Variants in HAUS6 observed in about 807,000 individuals in gnomAD.
HAUS6 encodes HAUS augmin-like complex subunit 6.
In HAUS6, 80 loss-of-function variants were observed where a neutral mutation model predicts 106.8. The ratio of observed to expected loss-of-function variants is 0.75; its 90% CI spans 0.63 to 0.90. The LOEUF (loss-of-function observed/expected upper bound fraction) is 0.90, where lower values mean the gene tolerates loss of function less well. HAUS6 is among the 40% of genes least tolerant of loss of function. The probability of loss-of-function intolerance (pLI) is 0.00; values close to 1 mark genes in which losing one functional copy is unlikely to be tolerated. For missense variants in HAUS6, 1,155 were observed against 1,118.1 expected, an observed-to-expected ratio of 1.03 and a Z score of -0.47; for synonymous variants, 356 against 379.1, an observed-to-expected ratio of 0.94 and a Z score of 0.71.
chr9:19,102,288 A>G (rs1818005099), intron 1 of HAUS6, among the ~76,000 whole-genome samples: 1 of 152,058 alleles, frequency 6.6e-6, no homozygotes, highest in Non-Finnish European at 1.5e-5. Flanking sequence ...CACTCTCCCC[A>G]TCTGCAGACT....
intron 7 of HAUS6, 116 bp downstream of exon 7, chr9:19,086,618 T>A (rs1359904064): frequency 1.0e-4 from 47 of 468,788 alleles, no homozygotes; most frequent in Non-Finnish European, 1.4e-4. Flanking sequence ...AGACTCCAAC[T>A]CCAAAAAAAA....
In HAUS6 at chr9:19,102,709, G is replaced by A. The variant is rs1337150071; in HGVS notation, c.-58C>T. 5 of 1,562,742 alleles carry A rather than the reference G, an allele frequency of 3.2e-6. No homozygotes were observed. In the African/African-American group the frequency reaches 4.1e-5, roughly 13 times the overall value. The stretch of plus-strand genomic sequence containing the variant: ...AAAGCGCAAGCCCAGGGGACTCGGA[G>A]GGCCCTCAAGATCCCTCCCTACGGT... On this transcript the variant is annotated 5_prime_UTR_variant, in exon 1 of 17. Coordinates refer to ENST00000380502, the MANE Select transcript of HAUS6 (RefSeq NM_017645.5).
chr9:19,058,782 C>T lies in HAUS6; in HGVS notation c.1985G>A (p.Cys662Tyr). 6.2e-7 allele frequency: 1 copy of T among 1,614,148 alleles called. No homozygotes were observed. Among genetic ancestry groups the T allele is most frequent in the Middle Eastern group, 1.6e-4 (1 of 6,062 alleles). ...CACATGTTTCTGAGGCACACACTCGCAATCTGAAATAACTTTCTCTTCAGT... is the reference window on the plus strand; with the variant it reads ...CACATGTTTCTGAGGCACACACTCGTAATCTGAAATAACTTTCTCTTCAGT... ...HLTEEKVISD[C>Y]ECVPQKHVLT... Residue 662 changes from cysteine (C) to tyrosine (Y), a missense_variant, in exon 16 of 17, where the codon TGC becomes TAC. Cys to Tyr is a radical substitution (Grantham distance 194). Transcript: ENST00000380502.
At chr9:19,064,258 C>T (rs1836711554) in intron 12 of HAUS6, among the ~76,000 whole-genome samples, 2 of 152,146 alleles carry the variant, frequency 1.3e-5, no homozygotes, top group Admixed American at 1.3e-4. Flanking sequence ...TGAGCCACCA[C>T]ACCTGGCCCA....
rs371706932 is a variant in HAUS6 at position 19,082,886 on chromosome 9, T to G, written c.857A>C (p.Lys286Thr). ...TCAAATGCTTACCTGAAACATTTGT[T>G]TCTCAATTTTGTCAAGTAAGAGCCT... ...IPRLLLDKIE[K>T]QMFQLHIGNV... The change falls in exon 8 of 17, where the codon AAA becomes ACA. Residue 286 changes from lysine to threonine, a missense_variant. Physicochemically the swap from Lys to Thr is moderately conservative, Grantham distance 78. This residue lies in a region of HAUS6 where 761 missense variants were observed against 690.0 expected (regional missense o/e 1.10). Transcript: ENST00000380502. 2.7e-6 allele frequency: 4 copies of G among 1,472,678 alleles called. No individual in the cohort carries two copies. Among genetic ancestry groups the G allele is most frequent in the Non-Finnish European group, 3.6e-6 (4 of 1,107,800 alleles). The allele number at this position is 1,472,678 out of a possible 1,614,324, so 91.2% of individuals were successfully genotyped here.
intron 1 of HAUS6, among the ~76,000 whole-genome samples, chr9:19,098,814 G>T (rs1032069749): frequency 6.6e-6 from 1 of 152,034 alleles, no homozygotes; most frequent in African/African-American, 2.4e-5. Context: ...CCTGAGGTCG[G>T]GAGTTCGAGA....
At chr9:19,068,229 C>T (rs948274454) in intron 12 of HAUS6, among the ~76,000 whole-genome samples, 2 of 152,078 alleles carry the variant, frequency 1.3e-5, no homozygotes, top group African/African-American at 4.8e-5. Context: ...AATGGGTAGG[C>T]CAGTAACTTT....
intron 4 of HAUS6, among the ~76,000 whole-genome samples, chr9:19,090,409 G>C (rs948806910): frequency 3.3e-5 from 5 of 152,084 alleles, no homozygotes; most frequent in African/African-American, 4.8e-5. Flanking sequence ...CAGTCACCCA[G>C]GCTGAAATGC....
In HAUS6 at chr9:19,087,998, A is replaced by G. The variant is rs1055694611; in HGVS notation, c.585-842T>C. Among the ~76,000 whole-genome samples the G allele has an allele frequency of 2.0e-5, 3 of 152,328 alleles. No homozygotes were observed. In the South Asian group the frequency reaches 6.2e-4, roughly 32 times the overall value. On this transcript the variant is annotated intron_variant, in intron 5 of 16. Transcript: ENST00000380502. ...ATAGAAGAAACTCCAAGAAAAAAAG[A>G]TATGCTGCATAGATGAACCTAAACA...
intron 11 of HAUS6, among the ~76,000 whole-genome samples, chr9:19,072,704 A>C (rs971254724): frequency 6.6e-6 from 1 of 152,164 alleles, no homozygotes; most frequent in African/African-American, 2.4e-5. Context: ...AAGAACGAGA[A>C]TTTTACTATT....
chr9:19,083,094 T>G (rs1311899664), intron 7 of HAUS6, 51 bp from the exon 8 acceptor site: 1 of 1,107,710 alleles, frequency 9.0e-7, no homozygotes, highest in Non-Finnish European at 1.3e-6. Flanking sequence ...CTGTACATAT[T>G]TTAAAAATGT....
intron 1 of HAUS6, among the ~76,000 whole-genome samples, chr9:19,100,501 A>G (rs1037925522): frequency 2.6e-5 from 4 of 152,378 alleles, no homozygotes; most frequent in Non-Finnish European, 4.4e-5. Flanking sequence ...AAAGTAGTAC[A>G]GCCATTATGG....
chr9:19,086,824 A>G (rs1201716150), intron 6 of HAUS6, 42 bp from the exon 7 acceptor site: 5 of 832,788 alleles, frequency 6.0e-6, no homozygotes, highest in Non-Finnish European at 9.9e-6. Flanking sequence ...ATTAAAAATC[A>G]CATGGTAATT....
At chr9:19,062,477 T>C (rs1014501616) in intron 14 of HAUS6, among the ~76,000 whole-genome samples, 3 of 152,240 alleles carry the variant, frequency 2.0e-5, no homozygotes, top group South Asian at 4.1e-4. Context: ...AAGTGGGTTC[T>C]AAACCACAGA....
intron 4 of HAUS6, among the ~76,000 whole-genome samples, chr9:19,091,905 G>A (rs1817758256): frequency 1.3e-5 from 2 of 151,982 alleles, no homozygotes; most frequent in Admixed American, 6.6e-5. Flanking sequence ...CAAGTGATCT[G>A]CCTACCTCAG....
At position 19,098,535 on chromosome 9, in the gene HAUS6, G is replaced by C. The variant is rs973562306; in HGVS notation, c.129-1766C>G. On this transcript the variant is annotated intron_variant, in intron 1 of 16. Transcript: ENST00000380502. ...ATACAGTGGTCAATAAATATTTGTTGAATGAACAAATAAATGAATCACCTC... is the reference window on the plus strand; with the variant it reads ...ATACAGTGGTCAATAAATATTTGTTCAATGAACAAATAAATGAATCACCTC... 2.6e-5 allele frequency among the ~76,000 whole-genome samples: 4 copies of C among 151,312 alleles called. No homozygotes were observed. The South Asian group carries it at 6.3e-4, about 24-fold the overall frequency.
At chr9:19,093,394 G>C (rs1817796760) in intron 3 of HAUS6, 91 bp from the exon 4 acceptor site, 2 of 1,147,464 alleles carry the variant, frequency 1.7e-6, no homozygotes, top group Non-Finnish European at 1.3e-6. Context: ...GGGTGTGACA[G>C]TCTTGCAATA....
At chr9:19,075,001 A>C (rs1053368517) in intron 11 of HAUS6, among the ~76,000 whole-genome samples, 9 of 152,246 alleles carry the variant, frequency 5.9e-5, no homozygotes, top group African/African-American at 1.9e-4. Context: ...GTCCATCAAC[A>C]GATGAATGGA....
chr9:19,079,658 T>C (rs893257090), intron 9 of HAUS6, among the ~76,000 whole-genome samples: 3 of 152,118 alleles, frequency 2.0e-5, no homozygotes, highest in Non-Finnish European at 4.4e-5. Flanking sequence ...AAAAAAACTG[T>C]TCGAAAGGCT....
Sources: allele counts gnomAD v4.1 joint callset (sites outside exome capture counted in the v4.1 genomes callset), GRCh38; gene constraint gnomAD v4.1.1; regional missense constraint gnomAD v4.1.1; transcripts MANE v1.5; gene names NCBI Gene and HGNC (gene_info 2026-07-23, HGNC 2026-07-21).